The following MACROD2 variants were observed in gnomAD, a reference collection of about 807,000 sequenced individuals.
MACROD2 encodes mono-ADP ribosylhydrolase 2.
A neutral mutation model predicts 70.4 loss-of-function variants in MACROD2; 36 were observed. The ratio of observed to expected loss-of-function variants is 0.51; its 90% confidence interval spans 0.39 to 0.68. The LOEUF (loss-of-function observed/expected upper bound fraction) is 0.68, where lower values mean the gene tolerates loss of function less well. Among genes scored for constraint, MACROD2 ranks in the 30% least tolerant of loss-of-function variants. The probability of loss-of-function intolerance (pLI) is 0.00; values close to 1 mark genes in which losing one functional copy is unlikely to be tolerated. For synonymous variants in MACROD2, 172 were observed against 178.8 expected, an observed-to-expected ratio of 0.96 and a Z score of 0.30; for missense variants, 496 against 538.4, an observed-to-expected ratio of 0.92 and a Z score of 0.78.
At chr20:14,179,650 A>G (rs1403513374) in intron 3 of MACROD2, among the ~76,000 whole-genome samples, 1 of 152,196 alleles carries the variant, frequency 6.6e-6, no homozygotes, top group Non-Finnish European at 1.5e-5. Context: ...ACTAATTAAA[A>G]CACAATAGAC....
At chr20:14,476,889 C>T (rs2084601230) in intron 3 of MACROD2, among the ~76,000 whole-genome samples, 1 of 152,064 alleles carries the variant, frequency 6.6e-6, no homozygotes, top group Non-Finnish European at 1.5e-5. Flanking sequence ...TATTATTATC[C>T]ATACCTGTAT....
At chr20:14,633,040 G>A (rs779295744) in intron 4 of MACROD2, among the ~76,000 whole-genome samples, 6 of 152,224 alleles carry the variant, frequency 3.9e-5, no homozygotes, top group Non-Finnish European at 7.3e-5. Flanking sequence ...GTCCAGATGT[G>A]GGGGAGCTCT....
intron 5 of MACROD2, among the ~76,000 whole-genome samples, chr20:15,015,813 G>C (rs2075116798): frequency 6.6e-6 from 1 of 152,170 alleles, no homozygotes; most frequent in African/African-American, 2.4e-5. Flanking sequence ...AATGATTATA[G>C]AAAAACATGT....
intron 2 of MACROD2, among the ~76,000 whole-genome samples, chr20:14,008,333 C>G (rs1318477227): frequency 2.0e-5 from 3 of 152,098 alleles, no homozygotes; most frequent in Non-Finnish European, 4.4e-5. Context: ...CAAAAACAGG[C>G]AGGCCGGGAG....
At chr20:14,844,687 A>G (rs148629549) in intron 5 of MACROD2, among the ~76,000 whole-genome samples, 7 of 152,220 alleles carry the variant, frequency 4.6e-5, no homozygotes, top group African/African-American at 1.7e-4. Context: ...TCAAAAAGAA[A>G]GGCATAAACA....
intron 8 of MACROD2, among the ~76,000 whole-genome samples, chr20:15,786,349 G>T (rs1448416594): frequency 2.0e-5 from 3 of 152,116 alleles, no homozygotes. Context: ...AGAAAAAAAA[G>T]TGTGTGCCAG....
At chr20:15,079,903 T>TCTACTTC (rs1485364084) in intron 5 of MACROD2, among the ~76,000 whole-genome samples, 1 of 152,004 alleles carries the variant, frequency 6.6e-6, no homozygotes, top group Non-Finnish European at 1.5e-5. Context: ...TCAACTCCAA[T>TCTACTTC]CTACTTGTTT....
At chr20:14,206,927 G>A (rs118064599) in intron 3 of MACROD2, among the ~76,000 whole-genome samples, 1 of 151,990 alleles carries the variant, frequency 6.6e-6, no homozygotes, top group Non-Finnish European at 1.5e-5. Flanking sequence ...TTGTCGAATT[G>A]AATCAAAGAC....
rs933296141 is a variant in MACROD2, at chr20:15,427,987, G to A, written c.541-3418G>A. On this transcript the variant is annotated intron_variant, in intron 6 of 17. Transcript: ENST00000684519. ...TGCTAAACTTACCACAATGCACATAGCCTCCAAGAACAAAGAATTATCTGG... is the reference window on the plus strand; with the variant it reads ...TGCTAAACTTACCACAATGCACATAACCTCCAAGAACAAAGAATTATCTGG... Among the ~76,000 whole-genome samples the A allele has an allele frequency of 1.9e-4, 29 of 152,268 alleles. No individual in the cohort carries two copies. In the Middle Eastern group the frequency reaches 0.01, roughly 54 times the overall value.
intron 5 of MACROD2, among the ~76,000 whole-genome samples, chr20:15,120,302 CTG>C (rs2076021054): frequency 6.6e-6 from 1 of 152,008 alleles, no homozygotes; most frequent in Non-Finnish European, 1.5e-5. Context: ...GTGTGCATGT[CTG>C]TGCATATGCG....
At chr20:15,912,736 A>G (rs865853275) in intron 10 of MACROD2, among the ~76,000 whole-genome samples, 75 of 152,332 alleles carry the variant, frequency 4.9e-4, no homozygotes, top group African/African-American at 1.7e-3. Context: ...GTTTGTTGGA[A>G]CCGAGAATAA....
At chr20:14,781,987 G>A (rs1212357867) in intron 5 of MACROD2, among the ~76,000 whole-genome samples, 1 of 151,748 alleles carries the variant, frequency 6.6e-6, no homozygotes, top group Non-Finnish European at 1.5e-5. Flanking sequence ...GTGCAGTGGT[G>A]ATCTCAGCTC....
intron 5 of MACROD2, among the ~76,000 whole-genome samples, chr20:14,749,680 C>A (rs1213751674): frequency 6.6e-6 from 1 of 152,112 alleles, no homozygotes; most frequent in Non-Finnish European, 1.5e-5. Context: ...TCTAAATGAT[C>A]TGTTTATTCC....
chr20:14,408,300 A>G (rs900350434), intron 3 of MACROD2, among the ~76,000 whole-genome samples: 3 of 152,192 alleles, frequency 2.0e-5, no homozygotes, highest in African/African-American at 4.8e-5. Flanking sequence ...ATGCAGAAGT[A>G]GAACCAAAGG....
chr20:14,197,529 A>C (rs2081442324), intron 3 of MACROD2, among the ~76,000 whole-genome samples: 1 of 152,208 alleles, frequency 6.6e-6, no homozygotes, highest in Non-Finnish European at 1.5e-5. Flanking sequence ...GCACTTTGGG[A>C]GGCCAAGGCG....
chr20:15,603,523 G>C (rs1378921401), intron 8 of MACROD2, among the ~76,000 whole-genome samples: 2 of 141,578 alleles, frequency 1.4e-5, no homozygotes, highest in East Asian at 2.1e-4. Flanking sequence ...AAAAAAAAAA[G>C]ATATAAGGGA....
At chr20:14,309,852 T>G (rs1327543154) in intron 3 of MACROD2, among the ~76,000 whole-genome samples, 3 of 152,194 alleles carry the variant, frequency 2.0e-5, no homozygotes, top group Non-Finnish European at 4.4e-5. Context: ...TTTGCTATGC[T>G]ATAGTTTACA....
At chr20:14,417,305 T>C (rs13042179) in intron 3 of MACROD2, among the ~76,000 whole-genome samples, 23,625 of 152,192 alleles carry the variant, frequency 0.16, 2,608 homozygotes, top group Non-Finnish European at 0.23. Context: ...ACTGAGAAGA[T>C]AGATACTTTG....
intron 2 of MACROD2, among the ~76,000 whole-genome samples, chr20:14,008,831 A>G (rs2148615060): frequency 7.1e-6 from 1 of 140,564 alleles, no homozygotes; most frequent in African/African-American, 2.8e-5. Flanking sequence ...CAACCATGTG[A>G]TCTCCGACAA....
Sources: gnomAD v4.1 joint callset for allele counts (sites outside exome capture counted in the v4.1 genomes callset) on GRCh38, gnomAD v4.1.1 for gene constraint, MANE v1.5 for transcripts, NCBI Gene and HGNC (gene_info 2026-07-23, HGNC 2026-07-21) for gene names.